Variants in MAOB observed in about 807,000 individuals in gnomAD.
The protein encoded by MAOB is amine oxidase [flavin-containing] B.
In MAOB, 15 loss-of-function variants were observed where a neutral mutation model predicts 41.9. The observed-to-expected ratio is 0.36, with a 90% CI of 0.24 to 0.55. The LOEUF is 0.55. MAOB is among the 20% of genes least tolerant of loss of function. MAOB has a pLI of 0.86. For synonymous variants in MAOB, 167 were observed against 144.2 expected (o/e 1.16, Z -1.13); for missense variants, 345 against 398.7 (o/e 0.87, Z 1.15).
In MAOB at chrX:43,793,435, A is replaced by G; in HGVS notation, c.912T>C (p.Pro304=). Residue 304 remains proline (P), a synonymous_variant, in exon 8 of 15, where the codon CCT becomes CCC. Coordinates refer to ENST00000378069, the MANE Select transcript of MAOB (RefSeq NM_000898.5). The part of the protein sequence containing the change: ...VIKCIVYYKE[P]FWRKKDYCGT... ...AGTACTCACCCTTTTTCCTCCAGAA[A>G]GGCTCTTTATAATAAACTATACACT... 8.4e-7 allele frequency: 1 copy of G among 1,194,429 alleles called. No homozygotes were observed. The highest frequency in any genetic ancestry group is 1.1e-6 in the Non-Finnish European group (1 of 887,707).
At chrX:43,836,382 C>T (rs1408531966) in intron 3 of MAOB, among the ~76,000 whole-genome samples, 1 of 112,311 alleles carries the variant, frequency 8.9e-6, no homozygotes. Flanking sequence ...ATAAGGTCTT[C>T]GTCATTATGT....
At chrX:43,846,176 C>T (rs1317487105) in intron 1 of MAOB, among the ~76,000 whole-genome samples, 1 of 112,619 alleles carries the variant, frequency 8.9e-6, no homozygotes, top group African/African-American at 3.2e-5. Context: ...GCCATAGTAA[C>T]AGCTATTATC....
At chrX:43,818,797 G>A (rs961644871) in intron 3 of MAOB, among the ~76,000 whole-genome samples, 4 of 111,469 alleles carry the variant, frequency 3.6e-5, no homozygotes, top group African/African-American at 1.3e-4. Context: ...CTGAAGAAGC[G>A]GAAATTAAAT....
intron 8 of MAOB, 132 bp downstream of exon 8, chrX:43,793,287 A>G: frequency 6.3e-6 from 3 of 473,845 alleles, no homozygotes; most frequent in Non-Finnish European, 1.1e-5. Context: ...ATCATGCAAC[A>G]TATCCATGTA....
intron 1 of MAOB, among the ~76,000 whole-genome samples, chrX:43,878,031 A>G (rs1394628700): frequency 8.9e-6 from 1 of 112,429 alleles, no homozygotes; most frequent in East Asian, 2.8e-4. Flanking sequence ...TAAGGCACCT[A>G]TAAGCCAAAG....
chrX:43,834,387 G>A (rs752474453), intron 3 of MAOB, among the ~76,000 whole-genome samples: 1 of 111,821 alleles, frequency 8.9e-6, no homozygotes, highest in Admixed American at 9.5e-5. Flanking sequence ...CTTCTGGCCT[G>A]TTGATTTCCA....
chrX:43,818,796 C>T (rs2034848329), intron 3 of MAOB, among the ~76,000 whole-genome samples: 1 of 111,445 alleles, frequency 9.0e-6, no homozygotes, highest in East Asian at 2.8e-4. Flanking sequence ...ACTGAAGAAG[C>T]GGAAATTAAA....
chrX:43,810,825 G>T (rs893837025), intron 3 of MAOB, among the ~76,000 whole-genome samples: 1 of 111,498 alleles, frequency 9.0e-6, no homozygotes, highest in South Asian at 3.8e-4. Context: ...GAATAATGGA[G>T]ATTATACAAG....
At chrX:43,777,503 T>C (rs2034274490) in intron 11 of MAOB, among the ~76,000 whole-genome samples, 1 of 111,918 alleles carries the variant, frequency 8.9e-6, no homozygotes, top group African/African-American at 3.2e-5. Flanking sequence ...CTGTATCAAG[T>C]ACAGAAGATC....
At chrX:43,804,288 A>T (rs2034634805) in intron 3 of MAOB, among the ~76,000 whole-genome samples, 1 of 111,490 alleles carries the variant, frequency 9.0e-6, no homozygotes, top group African/African-American at 3.3e-5. Flanking sequence ...AGGCAGAGAA[A>T]CTAGAATTGT....
At chrX:43,782,057 C>T (rs1044590162) in intron 8 of MAOB, among the ~76,000 whole-genome samples, 2 of 110,828 alleles carry the variant, frequency 1.8e-5, no homozygotes, top group Non-Finnish European at 3.8e-5. Flanking sequence ...AAATCAACAC[C>T]CTAACATCAC....
chrX:43,847,720 C>A (rs373434221), intron 1 of MAOB, among the ~76,000 whole-genome samples: 3 of 112,525 alleles, frequency 2.7e-5, no homozygotes, highest in East Asian at 2.8e-4. Context: ...ACCAGCTTTT[C>A]TCTTAGATAT....
intron 12 of MAOB, among the ~76,000 whole-genome samples, chrX:43,773,159 A>G (rs1438449050): frequency 1.8e-5 from 2 of 111,794 alleles, no homozygotes; most frequent in Admixed American, 1.9e-4. Context: ...TGCATCCCCA[A>G]TAGCCTTTCT....
intron 3 of MAOB, among the ~76,000 whole-genome samples, chrX:43,832,089 T>C (rs2035025519): frequency 8.9e-6 from 1 of 112,276 alleles, no homozygotes; most frequent in Non-Finnish European, 1.9e-5. Context: ...GGTGATATTC[T>C]GAACTAGAAT....
chrX:43,820,832 G>A (rs1337343841), intron 3 of MAOB, among the ~76,000 whole-genome samples: 1 of 112,161 alleles, frequency 8.9e-6, no homozygotes, highest in Non-Finnish European at 1.9e-5. Context: ...CATAGATATT[G>A]ACTAATATCA....
At chrX:43,877,648 C>T (rs777849304) in intron 1 of MAOB, among the ~76,000 whole-genome samples, 24 of 111,883 alleles carry the variant, frequency 2.1e-4, no homozygotes, top group Non-Finnish European at 4.1e-4. Flanking sequence ...AATCAAATGG[C>T]TGAAATGAAG....
At chrX:43,794,037 C>T (rs761676152) in intron 7 of MAOB, among the ~76,000 whole-genome samples, 1 of 111,694 alleles carries the variant, frequency 9.0e-6, no homozygotes, top group South Asian at 3.8e-4. Flanking sequence ...CCACCACACC[C>T]AGCTAATTTT....
intron 8 of MAOB, among the ~76,000 whole-genome samples, chrX:43,783,913 G>A (rs745468068): frequency 4.5e-5 from 5 of 112,195 alleles, no homozygotes; most frequent in Non-Finnish European, 9.4e-5. Flanking sequence ...CTAAGTTTAT[G>A]TAATATTCTA....
At chrX:43,841,685 A>G (rs975391650) in intron 2 of MAOB, among the ~76,000 whole-genome samples, 3 of 112,282 alleles carry the variant, frequency 2.7e-5, no homozygotes, top group Non-Finnish European at 5.6e-5. Context: ...TAATCAAAAC[A>G]GTATGGTACT....
Sources: gnomAD v4.1 joint callset for allele counts (sites outside exome capture counted in the v4.1 genomes callset) on GRCh38, gnomAD v4.1.1 for gene constraint, MANE v1.5 for transcripts, NCBI Gene and HGNC (gene_info 2026-07-23, HGNC 2026-07-21) for gene names.